Variants in RHOBTB3 observed in about 807,000 individuals in gnomAD.
RHOBTB3 encodes Rho related BTB domain containing 3.
Under a neutral mutation model 67.2 loss-of-function variants are expected in RHOBTB3, and 47 were observed. The ratio of observed to expected loss-of-function variants is 0.70; its 90% confidence interval spans 0.55 to 0.89. The LOEUF is 0.89. RHOBTB3 is among the 40% of genes least tolerant of loss of function. RHOBTB3 has a pLI of 0.00. For missense variants in RHOBTB3, 631 were observed against 750.0 expected, an observed-to-expected ratio of 0.84 and a Z score of 1.85; for synonymous variants, 273 against 274.2, an observed-to-expected ratio of 1.00 and a Z score of 0.04.
intron 9 of RHOBTB3, 113 bp from the exon 10 acceptor site, chr5:95,783,684 A>T: frequency 1.3e-6 from 1 of 797,402 alleles, no homozygotes; most frequent in Non-Finnish European, 2.0e-6. Flanking sequence ...TCTATGGTGG[A>T]TGCTACGGTC....
At chr5:95,726,620 G>A (rs1755060152), upstream of RHOBTB3, among the ~76,000 whole-genome samples, 1 of 152,144 alleles carries the variant, frequency 6.6e-6, no homozygotes, top group South Asian at 2.1e-4. Flanking sequence ...CTGATTAGTC[G>A]TCGGTTTTTT....
At chr5:95,732,144 C>A (rs763980764) in intron 2 of RHOBTB3, 60 bp downstream of exon 2, 7 of 1,488,544 alleles carry the variant, frequency 4.7e-6, no homozygotes, top group Non-Finnish European at 9.3e-7. Flanking sequence ...CTTTTTTTTC[C>A]CCCTCCCCCT....
intron 11 of RHOBTB3, among the ~76,000 whole-genome samples, chr5:95,790,588 C>T (rs974161745): frequency 4.6e-5 from 7 of 152,080 alleles, no homozygotes; most frequent in East Asian, 1.9e-4. Flanking sequence ...ACTTCCAGTG[C>T]GATGTGAGGT....
At chr5:95,752,511 G>T (rs764918967) in intron 5 of RHOBTB3, among the ~76,000 whole-genome samples, 161 bp downstream of exon 5, 5 of 152,198 alleles carry the variant, frequency 3.3e-5, no homozygotes, top group Admixed American at 3.3e-4. Flanking sequence ...GTGTTAATCA[G>T]CCTCCCAAGT....
chr5:95,770,062 C>A, intron 8 of RHOBTB3: 1 of 337,846 alleles, frequency 3.0e-6, no homozygotes, highest in Non-Finnish European at 6.0e-6. Context: ...TCATTGGGAC[C>A]AAAGGTGATG....
intron 4 of RHOBTB3, chr5:95,751,482 A>AG (rs60663403): frequency 6.6e-6 from 1 of 150,998 alleles, no homozygotes; most frequent in Non-Finnish European, 1.5e-5. Context: ...AAAAAAAAAA[A>AG]GAATATATAT....
At chr5:95,753,122 G>A (rs769695853) in intron 5 of RHOBTB3, among the ~76,000 whole-genome samples, 2 of 151,754 alleles carry the variant, frequency 1.3e-5, no homozygotes, top group Non-Finnish European at 2.9e-5. Flanking sequence ...GGGCGACAGA[G>A]CAAGACTCTG....
intron 4 of RHOBTB3, among the ~76,000 whole-genome samples, chr5:95,750,333 G>A (rs529462997): frequency 6.6e-6 from 1 of 152,332 alleles, no homozygotes; most frequent in African/African-American, 2.4e-5. Flanking sequence ...AGTCAGTGGA[G>A]CCAAGGGTTG....
Position 95,732,065 on chromosome 5 carries a change from T to A in RHOBTB3, c.209T>A (p.Val70Asp). 2.5e-6 allele frequency: 4 copies of A among 1,614,184 alleles called. No individual in the cohort carries two copies. The highest frequency in any genetic ancestry group is 3.4e-6 in the Non-Finnish European group (4 of 1,180,014). ...ASAFGNVKLVVHDCPVWDIFD... is the reference protein window; with the variant it reads ...ASAFGNVKLVDHDCPVWDIFD... ...GCGTTTGGGAATGTCAAGCTGGTGGTCCACGACTGTCCCGTCTGGGTAAGG... is the reference window on the plus strand; with the variant it reads ...GCGTTTGGGAATGTCAAGCTGGTGGACCACGACTGTCCCGTCTGGGTAAGG... Residue 70 changes from valine (V) to aspartate (D), a missense_variant, in exon 2 of 12, where the codon GTC becomes GAC. Physicochemically the swap from Val to Asp is radical, Grantham distance 152. Coordinates refer to ENST00000379982, the MANE Select transcript of RHOBTB3 (RefSeq NM_014899.4).
At chr5:95,789,103 T>G in intron 11 of RHOBTB3, 1 of 370,958 alleles carries the variant, frequency 2.7e-6, no homozygotes, top group East Asian at 6.1e-5. Flanking sequence ...CGTTTTTAAA[T>G]GCATTTTCTT....
At chr5:95,790,559 T>C (rs960593552) in intron 11 of RHOBTB3, among the ~76,000 whole-genome samples, 8 of 152,248 alleles carry the variant, frequency 5.3e-5, no homozygotes, top group African/African-American at 1.9e-4. Context: ...TTATGACACC[T>C]GGCATGGTGC....
At chr5:95,766,410 A>G (rs1051035775) in intron 7 of RHOBTB3, among the ~76,000 whole-genome samples, 5 of 152,022 alleles carry the variant, frequency 3.3e-5, no homozygotes, top group African/African-American at 4.8e-5. Flanking sequence ...TGAATAAAAT[A>G]TGATATTTCA....
At chr5:95,745,449 T>C (rs190321731) in intron 3 of RHOBTB3, among the ~76,000 whole-genome samples, 1 of 152,270 alleles carries the variant, frequency 6.6e-6, no homozygotes, top group Admixed American at 6.5e-5. Context: ...AGGTTTAAGC[T>C]CCCAAAGACA....
chr5:95,755,836 G>T (rs1438132635), intron 6 of RHOBTB3, 75 bp downstream of exon 6: 2 of 1,480,784 alleles, frequency 1.4e-6, no homozygotes, highest in Non-Finnish European at 1.8e-6. Flanking sequence ...GACACTCAAG[G>T]GTACTGGTTA....
chr5:95,794,986 C>T lies in RHOBTB3; in HGVS notation c.*1812C>T, dbSNP rs1353142838. 1 of 151,826 alleles carries T rather than the reference C, an allele frequency of 6.6e-6. No homozygotes were observed. Among genetic ancestry groups the T allele is most frequent in the East Asian group, 1.9e-4 (1 of 5,200 alleles). The allele number at this position is 151,826 out of a possible 1,614,324, so 9.4% of individuals were successfully genotyped here. Reference sequence around the variant, plus strand: ...ATGTGGTGGCGCACACCTGTAATCCCAGCTACTCAGGAAGCTGAGGCAGGA... The same window carrying T: ...ATGTGGTGGCGCACACCTGTAATCCTAGCTACTCAGGAAGCTGAGGCAGGA... On this transcript the variant is annotated 3_prime_UTR_variant, in exon 12 of 12. Transcript: ENST00000379982.
intron 1 of RHOBTB3, among the ~76,000 whole-genome samples, chr5:95,720,508 A>T (rs1754838389): frequency 1.3e-5 from 2 of 152,214 alleles, no homozygotes; most frequent in Admixed American, 1.3e-4. Flanking sequence ...AGTTACTAAT[A>T]GTGTACAATT....
At position 95,796,186 on chromosome 5, in the gene RHOBTB3, C is replaced by T. The variant is rs563651169; in HGVS notation, c.*3012C>T. On this transcript the variant is annotated 3_prime_UTR_variant, in exon 12 of 12. Transcript: ENST00000379982. The stretch of plus-strand genomic sequence containing the variant: ...ACTACACTACACTGTTATAGTTAAT[C>T]TGACAAAAATGTCCTCAAAGAGTAC... The T allele has an allele frequency of 6.6e-6, 1 of 152,338 alleles. No homozygotes were observed. Among genetic ancestry groups the T allele is most frequent in the South Asian group, 2.1e-4 (1 of 4,828 alleles). The allele number at this position is 152,338 out of a possible 1,614,324, so 9.4% of individuals were successfully genotyped here.
chr5:95,783,674 T>C (rs1036196187), intron 9 of RHOBTB3, 123 bp from the exon 10 acceptor site: 16 of 705,340 alleles, frequency 2.3e-5, no homozygotes, highest in African/African-American at 1.2e-4. Context: ...ACCATTCTAT[T>C]CTATGGTGGA....
At position 95,765,026 on chromosome 5, in the gene RHOBTB3, C is replaced by T. The variant is rs540388641; in HGVS notation, c.1161+1406C>T. The stretch of plus-strand genomic sequence containing the variant: ...CTATATTCTCGTTTTCAAAACAGTT[C>T]ATCTAGTTGTCTTGATTAACTTGTT... On this transcript the variant is annotated intron_variant, in intron 7 of 11. Coordinates refer to ENST00000379982, the MANE Select transcript of RHOBTB3 (RefSeq NM_014899.4). Among the ~76,000 whole-genome samples, 4 of 152,204 alleles carry T rather than the reference C, an allele frequency of 2.6e-5. No homozygotes were observed. The South Asian group carries it at 8.3e-4, about 32-fold the overall frequency.
Sources: allele counts gnomAD v4.1 joint callset (sites outside exome capture counted in the v4.1 genomes callset), GRCh38; gene constraint gnomAD v4.1.1; transcripts MANE v1.5; gene names NCBI Gene and HGNC (gene_info 2026-07-23, HGNC 2026-07-21).